Variants in SLC30A10 observed in about 807,000 individuals in gnomAD.
The protein encoded by SLC30A10 is calcium/manganese antiporter SLC30A10.
Under a neutral mutation model 21.7 loss-of-function variants are expected in SLC30A10, and 8 were observed. The observed-to-expected ratio is 0.37, with a 90% CI of 0.22 to 0.67. The LOEUF is 0.67. Among genes scored for constraint, SLC30A10 ranks in the 30% least tolerant of loss-of-function variants. SLC30A10 has a pLI of 0.58. For missense variants in SLC30A10, 521 were observed against 642.5 expected, an observed-to-expected ratio of 0.81 and a Z score of 2.04; for synonymous variants, 272 against 279.4, an observed-to-expected ratio of 0.97 and a Z score of 0.26.
chr1:219,916,027 G>A, intron 3 of SLC30A10, 79 bp from the exon 4 acceptor site: 8 of 1,515,388 alleles, frequency 5.3e-6, no homozygotes, highest in South Asian at 2.6e-5. Flanking sequence ...ATATGGTTCC[G>A]TTAAGCATTC....
Position 219,928,410 on chromosome 1 carries a change from G to A in SLC30A10, c.31C>T (p.Leu11=). Residue 11 remains leucine (L), a synonymous_variant, in exon 1 of 4, where the codon CTG becomes TTG. Coordinates refer to ENST00000366926, the MANE Select transcript of SLC30A10 (RefSeq NM_018713.3). The surrounding 1 kb of genome is among the most constrained non-coding windows in gnomAD (Gnocchi z 6.3). MGRYSGKTCR[L]LFMLVLTVAF... is the part of the protein sequence containing the mutation. The stretch of plus-strand genomic sequence containing the variant: ...ACGGTGAGCACCAGCATGAAGAGCA[G>A]CCGGCACGTCTTGCCAGAGTAGCGG... 6.2e-7 allele frequency: 1 copy of A among 1,612,968 alleles called. No homozygotes were observed. The highest frequency in any genetic ancestry group is 1.1e-5 in the South Asian group (1 of 91,022).
chr1:219,916,421 G>C (rs1290936248), intron 3 of SLC30A10, among the ~76,000 whole-genome samples: 1 of 152,116 alleles, frequency 6.6e-6, no homozygotes, highest in Non-Finnish European at 1.5e-5. Flanking sequence ...GAACCAACAA[G>C]GAAATAGTTA....
At chr1:219,950,139 T>A (rs1660248710) in intron 1 of SLC30A10, among the ~76,000 whole-genome samples, 2 of 152,220 alleles carry the variant, frequency 1.3e-5, no homozygotes, top group South Asian at 4.1e-4. Context: ...CATAAAACGG[T>A]TGATGCCTCA....
Position 219,913,031 on chromosome 1 carries a change from A to C in SLC30A10, c.*2418T>G, listed in dbSNP as rs1008313337. On this transcript the variant is annotated 3_prime_UTR_variant, in exon 4 of 4. Coordinates refer to ENST00000366926, the MANE Select transcript of SLC30A10 (RefSeq NM_018713.3). The stretch of plus-strand genomic sequence containing the variant: ...ACTGCCACCAAGCAGGGCTGATTTA[A>C]AGGGAAAAAGAAAACTCTTGTATTT... 2.3e-4 allele frequency among the ~76,000 whole-genome samples: 35 copies of C among 150,008 alleles called. No homozygotes were observed. The highest frequency in any genetic ancestry group is 6.6e-5 in the Admixed American group (1 of 15,228).
upstream of SLC30A10, among the ~76,000 whole-genome samples, chr1:219,933,332 A>G (rs1659996769): frequency 6.6e-6 from 1 of 152,212 alleles, no homozygotes. Context: ...ATCACGTGAT[A>G]CCACCTACTT....
At chr1:219,932,256 G>C (rs1233599300), upstream of SLC30A10, among the ~76,000 whole-genome samples, 2 of 152,056 alleles carry the variant, frequency 1.3e-5, no homozygotes, top group Non-Finnish European at 2.9e-5. Context: ...TGGAGATGGG[G>C]CGTGAGCCAC....
At chr1:219,939,667 A>G (rs1324170126) in intron 1 of SLC30A10, among the ~76,000 whole-genome samples, 1 of 152,064 alleles carries the variant, frequency 6.6e-6, no homozygotes, top group Non-Finnish European at 1.5e-5. Context: ...TGACTTCATG[A>G]TCCACCCACC....
intron 2 of SLC30A10, among the ~76,000 whole-genome samples, chr1:219,923,042 G>A (rs773662531): frequency 3.3e-5 from 5 of 152,142 alleles, no homozygotes; most frequent in Non-Finnish European, 7.4e-5. Context: ...TGATGGGGGA[G>A]GTGAGGCCAT....
In SLC30A10 at chr1:219,912,229, C is replaced by T. The variant is rs1558247828; in HGVS notation, c.*3220G>A. Among the ~76,000 whole-genome samples the T allele has an allele frequency of 6.7e-6, 1 of 148,310 alleles. No homozygotes were observed. The highest frequency in any genetic ancestry group is 1.5e-5 in the Non-Finnish European group (1 of 67,374). On this transcript the variant is annotated 3_prime_UTR_variant, in exon 4 of 4. Transcript: ENST00000366926. ...ATATGGAGAATATTCTTAATTCTTC[C>T]TCAAATAATGTCTCCCTACTTTATT...
intron 1 of SLC30A10, among the ~76,000 whole-genome samples, chr1:219,954,634 T>A (rs557349508): frequency 8.0e-6 from 1 of 125,542 alleles, no homozygotes; most frequent in South Asian, 2.5e-4. Flanking sequence ...GAGCCAAAGA[T>A]CATACCACTG....
At chr1:219,920,672 T>C (rs1659655803) in intron 2 of SLC30A10, among the ~76,000 whole-genome samples, 1 of 152,204 alleles carries the variant, frequency 6.6e-6, no homozygotes, top group Non-Finnish European at 1.5e-5. Context: ...GATTTAAGCG[T>C]ATTATACTTA....
rs59792236 is a variant in SLC30A10 at position 219,912,170 on chromosome 1, CAAAAA to C, written c.*3274_*3278del. ...CCACTGGAATTTGCTCTACCAATGG[CAAAAA>C]AAAAAAAAAAAAAAAAAAAAAGAAC... On this transcript the variant is annotated 3_prime_UTR_variant, in exon 4 of 4. Transcript: ENST00000366926. Among the ~76,000 whole-genome samples, 3 of 74,698 alleles carry C rather than the reference CAAAAA, an allele frequency of 4.0e-5. No individual in the cohort carries two copies. The highest frequency in any genetic ancestry group is 1.6e-4 in the Admixed American group (1 of 6,236). 49.0% of individuals were successfully genotyped at this position (74,698 alleles called of 152,430 possible).
At chr1:219,938,682 C>A (rs140904446) in intron 1 of SLC30A10, among the ~76,000 whole-genome samples, 447 of 152,316 alleles carry the variant, frequency 2.9e-3, no homozygotes, top group Middle Eastern at 6.8e-3. Flanking sequence ...TCATCCATAT[C>A]TTATGTTATC....
intron 2 of SLC30A10, among the ~76,000 whole-genome samples, chr1:219,922,379 G>C (rs12048216): frequency 6.6e-6 from 1 of 151,788 alleles, no homozygotes; most frequent in Admixed American, 6.6e-5. Context: ...CCTGTGATGA[G>C]ACATCTCAGG....
Position 219,918,441 on chromosome 1 carries a change from T to C in SLC30A10, c.772A>G (p.Thr258Ala), listed in dbSNP as rs757443428. 10 of 1,613,616 alleles carry C rather than the reference T, an allele frequency of 6.2e-6. No individual in the cohort carries two copies. The highest frequency in any genetic ancestry group is 1.7e-4 in the Middle Eastern group (1 of 6,054). ...GGAAGCACATAGAATATGATGGCCG[T>C]GATGACCACAACCACGGACCCCAGG... The part of the protein sequence containing the change: ...DALGSVVVVI[T>A]AIIFYVLPLK... The change falls in exon 3 of 4, where the codon ACG (threonine) becomes GCG (alanine). Residue 258 changes from threonine to alanine, a missense_variant. Transcript: ENST00000366926. The surrounding 1 kb of genome is among the most constrained non-coding windows in gnomAD (Gnocchi z 4.4).
chr1:219,927,678 C>CAACAACA, intron 1 of SLC30A10, 123 bp downstream of exon 1: 1 of 313,270 alleles, frequency 3.2e-6, no homozygotes, highest in Non-Finnish European at 4.5e-6. Flanking sequence ...ACAACAACAA[C>CAACAACA]AAAAAAAAAA....
At chr1:219,931,421 C>T (rs1022177552), upstream of SLC30A10, among the ~76,000 whole-genome samples, 6 of 76,522 alleles carry the variant, frequency 7.8e-5, no homozygotes, top group Non-Finnish European at 1.4e-4. Flanking sequence ...AATGTTTGTA[C>T]TAAAACTACA....
chr1:219,953,392 C>A (rs550686016), intron 1 of SLC30A10, among the ~76,000 whole-genome samples: 12 of 151,760 alleles, frequency 7.9e-5, no homozygotes, highest in African/African-American at 2.9e-4. Context: ...GTCAGGAGAT[C>A]GAGACCATCC....
intron 1 of SLC30A10, among the ~76,000 whole-genome samples, chr1:219,941,621 TTTCTTTCATTCC>T (rs1216152410): frequency 7.0e-6 from 1 of 143,452 alleles, no homozygotes; most frequent in African/African-American, 2.7e-5. Context: ...TCCTTCCTTC[TTTCTTTCATTCC>T]TTCCTTCCTT....
Sources: allele counts gnomAD v4.1 joint callset (sites outside exome capture counted in the v4.1 genomes callset), GRCh38; gene constraint gnomAD v4.1.1; non-coding constraint Gnocchi (gnomAD v3.1); transcripts MANE v1.5; gene names NCBI Gene and HGNC (gene_info 2026-07-23, HGNC 2026-07-21).